Variants in DLG2 observed in about 807,000 individuals in gnomAD.
The protein encoded by DLG2 is disks large homolog 2.
A neutral mutation model predicts 132.5 loss-of-function variants in DLG2; 45 were observed. The ratio of observed to expected loss-of-function variants is 0.34; its 90% CI spans 0.27 to 0.44. The LOEUF is 0.44. DLG2 is among the 20% of genes least tolerant of loss of function. DLG2 has a pLI of 1.00. For missense variants in DLG2, 1,045 were observed against 1,196.9 expected, an observed-to-expected ratio of 0.87 and a Z score of 1.87; for synonymous variants, 424 against 419.6, an observed-to-expected ratio of 1.01 and a Z score of -0.13.
chr11:83,558,444 G>T (rs929521508), intron 19 of DLG2, among the ~76,000 whole-genome samples: 2 of 152,052 alleles, frequency 1.3e-5, no homozygotes, highest in Non-Finnish European at 2.9e-5. Flanking sequence ...TGTTAGTATG[G>T]TGTTCAAGAG....
chr11:83,484,237 G>C lies in DLG2; in HGVS notation c.2194-9C>G, dbSNP rs1483192440. 2 of 1,607,606 alleles carry C rather than the reference G, an allele frequency of 1.2e-6. No homozygotes were observed. The highest frequency in any genetic ancestry group is 1.3e-5 in the African/African-American group (1 of 74,722). ...CGCTTGTCATTGAATGACTGTGAAG[G>C]AGAAAAGGCATGGGGCAAAAACAGG... is the stretch of plus-strand genomic sequence containing the variant. On this transcript the variant is annotated splice_polypyrimidine_tract_variant and intron_variant, in intron 21 of 27. Transcript: ENST00000376104.
chr11:85,033,488 T>C (rs370953627), intron 6 of DLG2, among the ~76,000 whole-genome samples: 1 of 151,970 alleles, frequency 6.6e-6, no homozygotes, highest in Non-Finnish European at 1.5e-5. Flanking sequence ...AAAGATTTTA[T>C]ATGGTTCAAG....
chr11:84,535,680 C>T (rs1439509492), intron 6 of DLG2, among the ~76,000 whole-genome samples: 1 of 152,118 alleles, frequency 6.6e-6, no homozygotes, highest in East Asian at 1.9e-4. Context: ...AGTTTGTACC[C>T]CTTTTCCCTT....
At chr11:84,385,370 G>C (rs943937858) in intron 7 of DLG2, among the ~76,000 whole-genome samples, 3 of 152,050 alleles carry the variant, frequency 2.0e-5, no homozygotes, top group African/African-American at 7.2e-5. Context: ...TTTGACCTCA[G>C]GCTTTAGAGA....
At chr11:83,972,794 A>G (rs1172104108) in intron 12 of DLG2, among the ~76,000 whole-genome samples, 1 of 152,148 alleles carries the variant, frequency 6.6e-6, no homozygotes, top group Non-Finnish European at 1.5e-5. Flanking sequence ...AAGCAACAAT[A>G]CACATTTATT....
At chr11:83,643,928 G>A (rs146459727) in intron 18 of DLG2, among the ~76,000 whole-genome samples, 40 of 151,926 alleles carry the variant, frequency 2.6e-4, no homozygotes, top group African/African-American at 9.4e-4. Flanking sequence ...CATGTCCATG[G>A]CTGTCTCAGA....
chr11:83,766,448 G>T (rs2094151014), intron 18 of DLG2, among the ~76,000 whole-genome samples: 2 of 147,254 alleles, frequency 1.4e-5, no homozygotes, highest in African/African-American at 5.0e-5. Context: ...TTTATCTTTG[G>T]TATTCTTCTT....
intron 15 of DLG2, among the ~76,000 whole-genome samples, chr11:83,883,001 A>G (rs184827685): frequency 6.6e-6 from 1 of 152,286 alleles, no homozygotes; most frequent in East Asian, 1.9e-4. Context: ...TCTCTGTGAC[A>G]ACAGTTAAAT....
intron 11 of DLG2, among the ~76,000 whole-genome samples, chr11:83,996,200 C>T (rs1027910730): frequency 6.6e-6 from 1 of 152,120 alleles, no homozygotes; most frequent in Non-Finnish European, 1.5e-5. Context: ...GACAGACAGA[C>T]AGCAAACAGA....
intron 19 of DLG2, among the ~76,000 whole-genome samples, chr11:83,548,219 C>T (rs139709086): frequency 5.9e-5 from 9 of 152,194 alleles, no homozygotes; most frequent in East Asian, 3.9e-4. Context: ...AAGATGTTCA[C>T]GCCTGAATCT....
At chr11:84,708,946 C>G (rs1565727732) in intron 6 of DLG2, among the ~76,000 whole-genome samples, 1 of 151,874 alleles carries the variant, frequency 6.6e-6, no homozygotes, top group Non-Finnish European at 1.5e-5. Flanking sequence ...AAAATTTTCT[C>G]AGGCAGCAGA....
intron 19 of DLG2, among the ~76,000 whole-genome samples, chr11:83,576,830 A>G (rs186395357): frequency 3.9e-5 from 6 of 152,312 alleles, no homozygotes; most frequent in Non-Finnish European, 1.5e-5. Flanking sequence ...AAGTCTGGAT[A>G]TATATAAAGG....
intron 17 of DLG2, among the ~76,000 whole-genome samples, chr11:83,806,746 C>A (rs1341985176): frequency 6.6e-6 from 1 of 152,112 alleles, no homozygotes; most frequent in Non-Finnish European, 1.5e-5. Flanking sequence ...TTCCTCAACT[C>A]TGAAGAAGCC....
chr11:85,558,536 A>G (rs1487865034), intron 3 of DLG2, among the ~76,000 whole-genome samples: 1 of 151,914 alleles, frequency 6.6e-6, no homozygotes, highest in Admixed American at 6.6e-5. Context: ...ACACAGAATC[A>G]ACATAGGTGC....
At chr11:85,061,570 A>C (rs2064139195) in intron 6 of DLG2, among the ~76,000 whole-genome samples, 1 of 151,762 alleles carries the variant, frequency 6.6e-6, no homozygotes, top group African/African-American at 2.4e-5. Context: ...AACTGAGGAA[A>C]TTTAGTATTA....
chr11:85,237,598 G>A (rs927329766), intron 4 of DLG2, among the ~76,000 whole-genome samples: 1 of 151,902 alleles, frequency 6.6e-6, no homozygotes, highest in African/African-American at 2.4e-5. Context: ...TGTGGCCAAG[G>A]GGACCCCTGA....
At chr11:84,813,507 A>T (rs1047529477) in intron 6 of DLG2, among the ~76,000 whole-genome samples, 6 of 152,162 alleles carry the variant, frequency 3.9e-5, no homozygotes, top group African/African-American at 1.2e-4. Context: ...TCATTCCACT[A>T]TTCTTTGCAA....
At chr11:83,625,172 C>T (rs530117922) in intron 19 of DLG2, among the ~76,000 whole-genome samples, 7 of 152,192 alleles carry the variant, frequency 4.6e-5, no homozygotes, top group Non-Finnish European at 7.3e-5. Flanking sequence ...ACACAGCTAA[C>T]TGTGGCATGT....
At chr11:83,962,090 C>T (rs2088956768) in intron 14 of DLG2, among the ~76,000 whole-genome samples, 1 of 152,024 alleles carries the variant, frequency 6.6e-6, no homozygotes, top group Non-Finnish European at 1.5e-5. Flanking sequence ...CAAATGACTT[C>T]AGTTAGACAG....
Sources: gnomAD v4.1 joint callset for allele counts (sites outside exome capture counted in the v4.1 genomes callset) on GRCh38, gnomAD v4.1.1 for gene constraint, MANE v1.5 for transcripts, NCBI Gene and HGNC (gene_info 2026-07-23, HGNC 2026-07-21) for gene names.